CACNB2: variants seen among roughly 807,000 people sequenced by gnomAD.
CACNB2 encodes the protein calcium voltage-gated channel auxiliary subunit beta 2.
In CACNB2, 42 loss-of-function variants were observed where a neutral mutation model predicts 73.3. The observed-to-expected ratio is 0.57, with a 90% confidence interval of 0.45 to 0.74. The LOEUF is 0.74. Among genes scored for constraint, CACNB2 ranks in the 30% least tolerant of loss-of-function variants. The pLI, the probability that CACNB2 is intolerant of heterozygous loss-of-function variation, is 0.00. For synonymous variants in CACNB2, 348 were observed against 310.3 expected, an observed-to-expected ratio of 1.12 and a Z score of -1.28; for missense variants, 940 against 853.0, an observed-to-expected ratio of 1.10 and a Z score of -1.27.
chr10:18,359,531 C>T (rs2042061573), intron 2 of CACNB2, among the ~76,000 whole-genome samples: 2 of 152,244 alleles, frequency 1.3e-5, no homozygotes, highest in African/African-American at 4.8e-5. Flanking sequence ...ACCTTGGCCT[C>T]CCAAAGTGTT....
At chr10:18,360,064 A>G (rs1468983029) in intron 2 of CACNB2, among the ~76,000 whole-genome samples, 2 of 152,208 alleles carry the variant, frequency 1.3e-5, no homozygotes, top group African/African-American at 4.8e-5. Flanking sequence ...CACACAGAGC[A>G]GGTGCTCAGG....
In CACNB2 at chr10:18,400,698, C is replaced by T. The variant is rs913264094; in HGVS notation, c.214-1226C>T. On this transcript the variant is annotated intron_variant, in intron 2 of 13. Transcript: ENST00000324631. ...AACTAATTTCTTTTAACAATTTGAGCGCAGGGAAGAGAATGTTTAGGGTTA... is the reference window on the plus strand; with the variant it reads ...AACTAATTTCTTTTAACAATTTGAGTGCAGGGAAGAGAATGTTTAGGGTTA... 5.2e-5 allele frequency: 55 copies of T among 1,056,044 alleles called. No homozygotes were observed. In the African/African-American group the frequency reaches 8.0e-4, roughly 15 times the overall value. 65.4% of individuals were successfully genotyped at this position (1,056,044 alleles called of 1,614,324 possible).
chr10:18,454,175 GT>G (rs1274756376), intron 3 of CACNB2, among the ~76,000 whole-genome samples: 2 of 152,186 alleles, frequency 1.3e-5, no homozygotes, highest in African/African-American at 2.4e-5. Flanking sequence ...TGGGAGAAGG[GT>G]TCTGTCCCTT....
At chr10:18,469,369 A>G (rs1280237034) in intron 3 of CACNB2, among the ~76,000 whole-genome samples, 3 of 152,188 alleles carry the variant, frequency 2.0e-5, no homozygotes, top group Non-Finnish European at 1.5e-5. Context: ...CAGTCTGTCA[A>G]TTACCCCATC....
At chr10:18,351,902 G>C (rs760086402) in intron 2 of CACNB2, among the ~76,000 whole-genome samples, 8 of 152,152 alleles carry the variant, frequency 5.3e-5, no homozygotes, top group Non-Finnish European at 1.0e-4. Flanking sequence ...GCAAACCAAA[G>C]GAAGAGAGTG....
Position 18,214,626 on chromosome 10 carries a change from CAAAAAAAAAAAAA to C in CACNB2, c.213+63668_213+63680del, listed in dbSNP as rs751930257. On this transcript the variant is annotated intron_variant, in intron 2 of 13. Transcript: ENST00000324631. ...TGGGCAATGGAGTGAGACTCCATCT[CAAAAAAAAAAAAA>C]AAAAAAAAAAAAAAAATTAACAACT... is the stretch of plus-strand genomic sequence containing the variant. 1.3e-4 allele frequency among the ~76,000 whole-genome samples: 2 copies of C among 15,104 alleles called. 1 individual carries two copies. The highest frequency in any genetic ancestry group is 2.5e-3 in the Admixed American group (2 of 806). The allele number at this position is 15,104 out of a possible 152,430, so 9.9% of individuals were successfully genotyped here. A position where few individuals can be genotyped will look rare whatever the true frequency, so the allele number is the denominator to read the frequency against.
intron 2 of CACNB2, among the ~76,000 whole-genome samples, chr10:18,190,743 A>G (rs2034358295): frequency 6.6e-6 from 1 of 152,192 alleles, no homozygotes; most frequent in Non-Finnish European, 1.5e-5. Context: ...AGAAGGTGGT[A>G]GCAGTAGGAG....
intron 2 of CACNB2, among the ~76,000 whole-genome samples, chr10:18,216,129 C>G (rs767957304): frequency 1.5e-4 from 13 of 84,696 alleles, no homozygotes; most frequent in Non-Finnish European, 4.0e-4. Context: ...AACCCCGTCT[C>G]AACTAAAAAA....
chr10:18,380,357 A>T (rs1032293717), intron 2 of CACNB2, among the ~76,000 whole-genome samples: 24 of 151,996 alleles, frequency 1.6e-4, no homozygotes, highest in African/African-American at 5.6e-4. Context: ...ACCAAAGTAC[A>T]TTCTTTGCAT....
chr10:18,142,567 C>G (rs1348015701), intron 1 of CACNB2, among the ~76,000 whole-genome samples: 1 of 152,076 alleles, frequency 6.6e-6, no homozygotes, highest in Non-Finnish European at 1.5e-5. Flanking sequence ...ACATTTAGAC[C>G]CTCATTTGCC....
At chr10:18,340,616 C>G (rs1262866473) in intron 2 of CACNB2, 1 of 1,149,202 alleles carries the variant, frequency 8.7e-7, no homozygotes, top group South Asian at 1.9e-5. Flanking sequence ...AGTTTGCAGG[C>G]GTCTGTCTTC....
chr10:18,254,754 G>A (rs186750081), intron 2 of CACNB2, among the ~76,000 whole-genome samples: 1 of 152,266 alleles, frequency 6.6e-6, no homozygotes, highest in Non-Finnish European at 1.5e-5. Context: ...AGAGAAATGA[G>A]GACTGGACCA....
chr10:18,334,492 C>T (rs1248397978), intron 2 of CACNB2, among the ~76,000 whole-genome samples: 1 of 152,180 alleles, frequency 6.6e-6, no homozygotes, highest in South Asian at 2.1e-4. Flanking sequence ...ATTCTGGGAT[C>T]TTAGGTTATA....
intron 3 of CACNB2, among the ~76,000 whole-genome samples, chr10:18,473,868 G>C (rs1418118786): frequency 1.3e-5 from 2 of 152,150 alleles, no homozygotes; most frequent in Non-Finnish European, 2.9e-5. Context: ...ATCAGAACCA[G>C]GGCCAGGGTG....
chr10:18,529,839 C>A (rs1174505605), intron 10 of CACNB2, among the ~76,000 whole-genome samples: 1 of 152,136 alleles, frequency 6.6e-6, no homozygotes, highest in Non-Finnish European at 1.5e-5. Context: ...ACTCTTTCCA[C>A]ACATCATTTG....
chr10:18,260,319 T>C, intron 2 of CACNB2: 1 of 474,720 alleles, frequency 2.1e-6, no homozygotes, highest in Non-Finnish European at 2.8e-6. Context: ...CAGCCTTATG[T>C]AGTTTATTAT....
intron 3 of CACNB2, among the ~76,000 whole-genome samples, chr10:18,415,340 C>T (rs1280356743): frequency 1.3e-5 from 2 of 152,024 alleles, no homozygotes; most frequent in Non-Finnish European, 2.9e-5. Flanking sequence ...GTGGTACATG[C>T]CTGCAGTTCC....
intron 6 of CACNB2, chr10:18,513,275 A>G (rs2050953590): frequency 1.2e-5 from 2 of 160,002 alleles, no homozygotes; most frequent in Admixed American, 1.3e-4. Flanking sequence ...TCCAAACAAC[A>G]ATTTATTTTT....
intron 2 of CACNB2, among the ~76,000 whole-genome samples, chr10:18,371,177 C>G (rs185266298): frequency 6.6e-6 from 1 of 151,730 alleles, no homozygotes; most frequent in Non-Finnish European, 1.5e-5. Context: ...GTGCATATTT[C>G]TGATTACTGT....
Sources: gnomAD v4.1 joint callset for allele counts (sites outside exome capture counted in the v4.1 genomes callset) on GRCh38, gnomAD v4.1.1 for gene constraint, MANE v1.5 for transcripts, NCBI Gene and HGNC (gene_info 2026-07-23, HGNC 2026-07-21) for gene names.